PDPN: variants seen among roughly 807,000 people sequenced by gnomAD.
PDPN encodes podoplanin.
PDPN carries 12 observed loss-of-function variants against 23.2 expected under a neutral mutation model. The ratio of observed to expected loss-of-function variants is 0.52; its 90% CI spans 0.33 to 0.84. PDPN has a LOEUF of 0.84. Among genes scored for constraint, PDPN ranks in the 40% least tolerant of loss-of-function variants. The pLI is 0.02. For missense variants in PDPN, 199 were observed against 212.2 expected (o/e 0.94, Z 0.39); for synonymous variants, 77 against 76.7 (o/e 1.00, Z -0.02).
chr1:13,603,268 A>G (rs1287718260), intron 1 of PDPN, among the ~76,000 whole-genome samples: 1 of 152,106 alleles, frequency 6.6e-6, no homozygotes, highest in Non-Finnish European at 1.5e-5. Context: ...CTGTAATCCC[A>G]GCTACTTGGG....
chr1:13,600,830 A>C (rs940702518), intron 1 of PDPN, among the ~76,000 whole-genome samples: 3 of 152,066 alleles, frequency 2.0e-5, no homozygotes, highest in African/African-American at 7.2e-5. Context: ...GTAGCCCACA[A>C]GCAGAATGAG....
intron 2 of PDPN, among the ~76,000 whole-genome samples, chr1:13,608,009 A>G (rs183107851): frequency 2.2e-3 from 330 of 152,162 alleles, no homozygotes; most frequent in Non-Finnish European, 4.0e-3. Flanking sequence ...GGAGGCTGAG[A>G]CAGGAGAATA....
In PDPN at chr1:13,614,420, A is replaced by G; in HGVS notation, c.482+9A>G. Reference sequence around the variant, plus strand: ...ATGTCGGGAAGGTACTCGTAAGTAAATAGCTTACACCCATGTGATAGGCAA... The same window carrying G: ...ATGTCGGGAAGGTACTCGTAAGTAAGTAGCTTACACCCATGTGATAGGCAA... On this transcript the variant is annotated intron_variant, in intron 5 of 5. Transcript: ENST00000621990. 2.3e-6 allele frequency: 3 copies of G among 1,313,928 alleles called. No individual in the cohort carries two copies. Among genetic ancestry groups the G allele is most frequent in the Non-Finnish European group, 3.3e-6 (3 of 906,660 alleles). 81.4% of individuals were successfully genotyped at this position (1,313,928 alleles called of 1,614,324 possible).
At chr1:13,587,042 T>C (rs1640199650) in intron 1 of PDPN, among the ~76,000 whole-genome samples, 1 of 152,158 alleles carries the variant, frequency 6.6e-6, no homozygotes, top group Non-Finnish European at 1.5e-5. Context: ...AGAGCGAGAC[T>C]CCGTCTCAAA....
intron 5 of PDPN, among the ~76,000 whole-genome samples, chr1:13,614,670 C>T (rs1641022320): frequency 6.6e-6 from 1 of 152,114 alleles, no homozygotes; most frequent in Non-Finnish European, 1.5e-5. Context: ...ACCTGGAATC[C>T]CAGTGCTTTG....
At chr1:13,591,169 T>C (rs968995265) in intron 1 of PDPN, among the ~76,000 whole-genome samples, 3 of 152,088 alleles carry the variant, frequency 2.0e-5, no homozygotes, top group Admixed American at 2.0e-4. Flanking sequence ...CTCGAACTCC[T>C]GACCTCGTGA....
intron 3 of PDPN, among the ~76,000 whole-genome samples, chr1:13,612,304 A>G (rs1640955256): frequency 6.6e-6 from 1 of 152,234 alleles, no homozygotes; most frequent in African/African-American, 2.4e-5. Context: ...TGTATGATGC[A>G]TGCTTATGAT....
intron 1 of PDPN, among the ~76,000 whole-genome samples, chr1:13,601,803 C>T (rs1196460463): frequency 1.3e-5 from 2 of 151,990 alleles, no homozygotes; most frequent in Non-Finnish European, 2.9e-5. Context: ...AATAAACAGA[C>T]AAAAATATTA....
rs140503032 is a variant in PDPN at position 13,593,605 on chromosome 1, C to T, written c.67+9505C>T. On this transcript the variant is annotated intron_variant, in intron 1 of 5. Coordinates refer to ENST00000621990, the MANE Select transcript of PDPN (RefSeq NM_006474.5). ...GCACATTCCTGCAGGCCTCATCCTC[C>T]TGGGCTCACAGCTGGGCTGTCTGAG... Among the ~76,000 whole-genome samples the T allele has an allele frequency of 2.4e-3, 371 of 152,306 alleles. 9 individuals are homozygous for T. The highest frequency in any genetic ancestry group is 0.023 in the Admixed American group (353 of 15,292).
At position 13,616,686 on chromosome 1, in the gene PDPN, TGAG is replaced by T. The variant is rs902480473; in HGVS notation, c.*779_*781del. Reference sequence around the variant, plus strand: ...TGCCCCCTCCACTTCCCTCAGATGATGAGGAGCCAGGGCTAAGGGGGCAGCCTT... The same window carrying T: ...TGCCCCCTCCACTTCCCTCAGATGATGAGCCAGGGCTAAGGGGGCAGCCTT... On this transcript the variant is annotated 3_prime_UTR_variant, in exon 6 of 6. Transcript: ENST00000621990. 2.6e-5 allele frequency: 4 copies of T among 152,346 alleles called. No homozygotes were observed. The highest frequency in any genetic ancestry group is 5.9e-5 in the Non-Finnish European group (4 of 68,150). The allele number at this position is 152,346 out of a possible 1,614,324, so 9.4% of individuals were successfully genotyped here.
chr1:13,606,244 T>TCCAC (rs899686075), intron 1 of PDPN, among the ~76,000 whole-genome samples: 120 of 152,198 alleles, frequency 7.9e-4, no homozygotes, highest in Middle Eastern at 3.4e-3. Flanking sequence ...CCTCAAATGA[T>TCCAC]CCACCCACCT....
chr1:13,600,190 G>A (rs972722397), intron 1 of PDPN, among the ~76,000 whole-genome samples: 1 of 152,172 alleles, frequency 6.6e-6, no homozygotes, highest in African/African-American at 2.4e-5. Context: ...TGGGCAGAAG[G>A]GGAAGGATCT....
intron 5 of PDPN, 77 bp from the exon 6 acceptor site, chr1:13,615,828 T>A (rs938082965): frequency 3.8e-6 from 5 of 1,301,476 alleles, no homozygotes; most frequent in African/African-American, 1.5e-5. Flanking sequence ...CAAAGGACAA[T>A]AGGAAAAAGG....
chr1:13,585,455 C>A, intron 1 of PDPN: 1 of 1,310,500 alleles, frequency 7.6e-7, no homozygotes, highest in Non-Finnish European at 1.0e-6. Context: ...TTTTCAGTTA[C>A]ATTTCCTTTT....
At chr1:13,605,879 C>T (rs1227074159) in intron 1 of PDPN, among the ~76,000 whole-genome samples, 1 of 152,220 alleles carries the variant, frequency 6.6e-6, no homozygotes, top group Non-Finnish European at 1.5e-5. Flanking sequence ...CCTTGGCCTC[C>T]TAAAGTGCTG....
rs767340937 is a variant in PDPN, at chr1:13,583,838, A to G, written c.-196A>G. The G allele has an allele frequency of 3.4e-5, 53 of 1,573,510 alleles. No individual in the cohort carries two copies. The highest frequency in any genetic ancestry group is 4.3e-5 in the Non-Finnish European group (50 of 1,160,744). Reference sequence around the variant, plus strand: ...CTCCGCTCGGAAAGTTCTCAACTGCAAAGTTTGCTGTCCGGCTGCCTAGGG... The same window carrying G: ...CTCCGCTCGGAAAGTTCTCAACTGCGAAGTTTGCTGTCCGGCTGCCTAGGG... On this transcript the variant is annotated 5_prime_UTR_variant, in exon 1 of 6. Coordinates refer to ENST00000621990, the MANE Select transcript of PDPN (RefSeq NM_006474.5).
At chr1:13,615,139 C>G (rs1422255107) in intron 5 of PDPN, among the ~76,000 whole-genome samples, 1 of 152,210 alleles carries the variant, frequency 6.6e-6, no homozygotes, top group African/African-American at 2.4e-5. Context: ...ATCTTCCGCT[C>G]TTGCCCTGCG....
At chr1:13,584,723 A>G (rs534047545) in intron 1 of PDPN, among the ~76,000 whole-genome samples, 6 of 152,346 alleles carry the variant, frequency 3.9e-5, no homozygotes, top group Admixed American at 3.9e-4. Context: ...GTGTGAGTGC[A>G]TGAGGATTGT....
At chr1:13,608,060 G>C (rs560469752) in intron 2 of PDPN, among the ~76,000 whole-genome samples, 1 of 152,088 alleles carries the variant, frequency 6.6e-6, no homozygotes, top group African/African-American at 2.4e-5. Context: ...AGCCGAGATC[G>C]CACCACTGCA....
Sources: allele counts gnomAD v4.1 joint callset (sites outside exome capture counted in the v4.1 genomes callset), GRCh38; gene constraint gnomAD v4.1.1; transcripts MANE v1.5; gene names NCBI Gene and HGNC (gene_info 2026-07-23, HGNC 2026-07-21).